FIG4: variants seen among roughly 807,000 people sequenced by gnomAD.
The protein encoded by FIG4 is polyphosphoinositide phosphatase.
A neutral mutation model predicts 118.6 loss-of-function variants in FIG4; 112 were observed. The ratio of observed to expected loss-of-function variants is 0.94; its 90% CI spans 0.81 to 1.11. The LOEUF (loss-of-function observed/expected upper bound fraction) is 1.11. Among genes scored for constraint, FIG4 ranks in the 50% least tolerant of loss-of-function variants. The pLI, the probability that FIG4 is intolerant of heterozygous loss-of-function variation, is 0.00. For missense variants in FIG4, 969 were observed against 1,111.7 expected (o/e 0.87, Z 1.83); for synonymous variants, 369 against 381.2 (o/e 0.97, Z 0.37).
intron 3 of FIG4, among the ~76,000 whole-genome samples, chr6:109,724,803 T>TTG (rs60968865): frequency 0.024 from 3,548 of 146,710 alleles, 95 homozygotes; most frequent in African/African-American, 0.074. Context: ...TTATAATCCT[T>TTG]TGTGTGTGTG....
chr6:109,809,447 T>C (rs538115711), intron 22 of FIG4, among the ~76,000 whole-genome samples: 7 of 152,346 alleles, frequency 4.6e-5, no homozygotes, highest in Non-Finnish European at 2.9e-5. Flanking sequence ...ATGTCTTATA[T>C]GGTAAATATC....
intron 16 of FIG4, among the ~76,000 whole-genome samples, chr6:109,778,358 T>C (rs911954611): frequency 5.2e-4 from 78 of 151,076 alleles, no homozygotes; most frequent in African/African-American, 1.8e-3. Flanking sequence ...TAATCCCAGC[T>C]ACTCGGGAGT....
intron 1 of FIG4, among the ~76,000 whole-genome samples, chr6:109,705,357 T>C (rs750855037): frequency 6.6e-6 from 1 of 152,216 alleles, no homozygotes; most frequent in African/African-American, 2.4e-5. Flanking sequence ...GTGCAGGCAG[T>C]GATTCCGCGG....
At chr6:109,784,624 G>A (rs1777900463) in intron 16 of FIG4, among the ~76,000 whole-genome samples, 1 of 152,184 alleles carries the variant, frequency 6.6e-6, no homozygotes, top group South Asian at 2.1e-4. Flanking sequence ...GTCACTGTAG[G>A]CACAGTCCCT....
chr6:109,786,235 A>C (rs1777951543), intron 17 of FIG4, 67 bp from the exon 18 acceptor site: 1 of 1,393,914 alleles, frequency 7.2e-7, no homozygotes, highest in African/African-American at 1.4e-5. Context: ...GAACACAGTT[A>C]ATATTATGGA....
At chr6:109,702,700 C>T (rs960391698) in intron 1 of FIG4, among the ~76,000 whole-genome samples, 1 of 151,938 alleles carries the variant, frequency 6.6e-6, no homozygotes, top group Non-Finnish European at 1.5e-5. Context: ...TATCTCCTTT[C>T]CCTACCATTT....
chr6:109,795,103 T>TTTTG lies in FIG4; in HGVS notation c.2460-1659_2460-1658insGTTT, dbSNP rs1778244245. Among the ~76,000 whole-genome samples, 9 of 25,572 alleles carry TTTTG rather than the reference T, an allele frequency of 3.5e-4. 1 individual carries two copies. The East Asian group carries it at 4.6e-3, about 13-fold the overall frequency. The allele number at this position is 25,572 out of a possible 152,430, so 16.8% of individuals were successfully genotyped here. ...GCTTCATACACTTGCCAGTTTTTTT[T>TTTTG]TTTTTTTTTTTTTTTTTTTTTTTTT... On this transcript the variant is annotated intron_variant, in intron 21 of 22. Transcript: ENST00000230124.
At chr6:109,744,278 G>T (rs1051082551) in intron 10 of FIG4, among the ~76,000 whole-genome samples, 2 of 152,120 alleles carry the variant, frequency 1.3e-5, no homozygotes, top group African/African-American at 4.8e-5. Flanking sequence ...CCCAGACAAG[G>T]TGGTATTAGC....
At chr6:109,772,345 A>G (rs1202233557) in intron 15 of FIG4, among the ~76,000 whole-genome samples, 3 of 152,108 alleles carry the variant, frequency 2.0e-5, no homozygotes, top group Admixed American at 1.3e-4. Context: ...GCTTTTGACT[A>G]CCATGCATTT....
intron 10 of FIG4, among the ~76,000 whole-genome samples, chr6:109,757,975 G>A (rs1776974492): frequency 6.6e-6 from 1 of 152,068 alleles, no homozygotes; most frequent in African/African-American, 2.4e-5. Flanking sequence ...ACAAACAGAT[G>A]GAAAAACATT....
At chr6:109,728,229 G>A (rs1290593148) in intron 4 of FIG4, among the ~76,000 whole-genome samples, 1 of 152,160 alleles carries the variant, frequency 6.6e-6, no homozygotes, top group African/African-American at 2.4e-5. Flanking sequence ...TATATTTAAA[G>A]AGAGATAATA....
At chr6:109,810,100 C>T (rs4130816) in intron 22 of FIG4, among the ~76,000 whole-genome samples, 1 of 152,116 alleles carries the variant, frequency 6.6e-6, no homozygotes, top group African/African-American at 2.4e-5. Flanking sequence ...CAGCAAATTT[C>T]TCATGTCAAA....
chr6:109,732,288 C>A (rs1481338947), intron 4 of FIG4, among the ~76,000 whole-genome samples: 1 of 152,174 alleles, frequency 6.6e-6, no homozygotes, highest in Non-Finnish European at 1.5e-5. Context: ...TTGTTGCTCT[C>A]CTCTCTCCAT....
intron 22 of FIG4, among the ~76,000 whole-genome samples, chr6:109,798,671 G>A (rs1778350740): frequency 6.6e-6 from 1 of 152,184 alleles, no homozygotes; most frequent in South Asian, 2.1e-4. Context: ...TAATGGCTGA[G>A]ACAGAGACAT....
chr6:109,719,940 C>T (rs573902198), intron 3 of FIG4, among the ~76,000 whole-genome samples: 4 of 152,264 alleles, frequency 2.6e-5, no homozygotes, highest in South Asian at 4.1e-4. Flanking sequence ...TGTAACCAGA[C>T]GTTTAATTTA....
Position 109,738,315 on chromosome 6 carries a change from T to A in FIG4, c.647-10T>A. ...GTATTTATGGACTGATACAGACTTT[T>A]ATTTTTCAGGGGTATTTGGGATCTG... is the stretch of plus-strand genomic sequence containing the variant. On this transcript the variant is annotated splice_polypyrimidine_tract_variant and intron_variant, in intron 6 of 22. Transcript: ENST00000230124. The A allele has an allele frequency of 3.1e-6, 5 of 1,600,352 alleles. No individual in the cohort carries two copies. The highest frequency in any genetic ancestry group is 4.3e-6 in the Non-Finnish European group (5 of 1,167,774).
In FIG4 at chr6:109,732,933, T is replaced by C. The variant is rs75723400; in HGVS notation, c.497+246T>C. Among the ~76,000 whole-genome samples the C allele has an allele frequency of 0.024, 3,722 of 152,222 alleles. 90 individuals are homozygous for C. The highest frequency in any genetic ancestry group is 0.11 in the East Asian group (565 of 5,180). On this transcript the variant is annotated intron_variant, in intron 5 of 22. Coordinates refer to ENST00000230124, the MANE Select transcript of FIG4 (RefSeq NM_014845.6). ...CATCGTTGTTTTAGGTAGGACTTAA[T>C]GTATTTTAAAGAAATATTCTCATTT...
At chr6:109,711,556 A>C (rs1319980912) in intron 1 of FIG4, among the ~76,000 whole-genome samples, 1 of 151,688 alleles carries the variant, frequency 6.6e-6, no homozygotes, top group Non-Finnish European at 1.5e-5. Context: ...TGTTGGTTTT[A>C]ACTCTGTTTT....
intron 22 of FIG4, among the ~76,000 whole-genome samples, chr6:109,801,282 T>C (rs947958892): frequency 6.6e-6 from 1 of 152,180 alleles, no homozygotes; most frequent in African/African-American, 2.4e-5. Context: ...GCGTGGTGGC[T>C]CACACCTGTA....
Sources: gnomAD v4.1 joint callset for allele counts (sites outside exome capture counted in the v4.1 genomes callset) on GRCh38, gnomAD v4.1.1 for gene constraint, MANE v1.5 for transcripts, NCBI Gene and HGNC (gene_info 2026-07-23, HGNC 2026-07-21) for gene names.